The following LRRC4C variants were observed in gnomAD, a reference collection of about 807,000 sequenced individuals.
The protein encoded by LRRC4C is leucine-rich repeat-containing protein 4C.
A neutral mutation model predicts 33.6 loss-of-function variants in LRRC4C; 5 were observed. That is an observed-to-expected ratio of 0.15 (90% confidence interval 0.08 to 0.31). The LOEUF is 0.31. Ranked by LOEUF, LRRC4C falls within the 10% of genes least tolerant of loss-of-function variation. The pLI, the probability that LRRC4C is intolerant of heterozygous loss-of-function variation, is 1.00. For missense variants in LRRC4C, 560 were observed against 796.7 expected (o/e 0.70, Z 3.58); for synonymous variants, 329 against 302.0 (o/e 1.09, Z -0.93).
chr11:41,119,176 T>C (rs933302447), intron 1 of LRRC4C, among the ~76,000 whole-genome samples: 10 of 152,186 alleles, frequency 6.6e-5, no homozygotes, highest in Non-Finnish European at 1.2e-4. Context: ...CAGCTAACAT[T>C]TTCCAAACAA....
intron 3 of LRRC4C, among the ~76,000 whole-genome samples, chr11:40,442,563 A>G (rs1020650041): frequency 6.6e-5 from 10 of 152,198 alleles, no homozygotes; most frequent in African/African-American, 1.9e-4. Flanking sequence ...CAATGCTTCA[A>G]TGTGCTGGGG....
chr11:40,413,340 C>A (rs2137661075), intron 3 of LRRC4C, among the ~76,000 whole-genome samples: 1 of 152,066 alleles, frequency 6.6e-6, no homozygotes, highest in South Asian at 2.1e-4. Context: ...TTACACTCGG[C>A]CAAATGGGAT....
chr11:41,231,631 A>T, intron 1 of LRRC4C, among the ~76,000 whole-genome samples: 1 of 125,916 alleles, frequency 7.9e-6, no homozygotes, highest in Admixed American at 8.3e-5. Flanking sequence ...GGGGGGAGGG[A>T]AGAGGGATAG....
chr11:40,486,956 A>C (rs191144304), intron 3 of LRRC4C, among the ~76,000 whole-genome samples: 1 of 151,986 alleles, frequency 6.6e-6, no homozygotes, highest in Non-Finnish European at 1.5e-5. Context: ...TCTTTTTTGT[A>C]TTAGAAACTG....
chr11:40,813,030 T>G (rs1019696200), intron 2 of LRRC4C, among the ~76,000 whole-genome samples: 1 of 152,166 alleles, frequency 6.6e-6, no homozygotes, highest in African/African-American at 2.4e-5. Context: ...TCTATAAAAT[T>G]CCCCAATTTT....
At chr11:41,149,987 C>A (rs1020244408) in intron 1 of LRRC4C, among the ~76,000 whole-genome samples, 2 of 152,080 alleles carry the variant, frequency 1.3e-5, no homozygotes, top group Non-Finnish European at 2.9e-5. Flanking sequence ...CATTTATCTG[C>A]GTAGTTCTCA....
At chr11:40,359,564 A>G (rs1000703694) in intron 3 of LRRC4C, among the ~76,000 whole-genome samples, 4 of 152,162 alleles carry the variant, frequency 2.6e-5, no homozygotes, top group African/African-American at 4.8e-5. Context: ...TGACTATACT[A>G]TCTAAGGATC....
intron 1 of LRRC4C, among the ~76,000 whole-genome samples, chr11:41,380,119 G>T (rs1035664067): frequency 6.6e-6 from 1 of 152,116 alleles, no homozygotes; most frequent in African/African-American, 2.4e-5. Context: ...GATTGAGAAA[G>T]CACAGCTTTA....
chr11:41,316,882 G>C (rs1404314430), intron 1 of LRRC4C, among the ~76,000 whole-genome samples: 1 of 152,140 alleles, frequency 6.6e-6, no homozygotes, highest in Non-Finnish European at 1.5e-5. Context: ...AAACCACAAG[G>C]CTGGTTCCAA....
chr11:41,323,973 C>T (rs754086529), intron 1 of LRRC4C, among the ~76,000 whole-genome samples: 28 of 151,994 alleles, frequency 1.8e-4, no homozygotes, highest in Non-Finnish European at 2.9e-4. Context: ...ATTAAAAGTA[C>T]TTAGATATTT....
rs574093258 is a variant in LRRC4C, at chr11:40,600,558, AC to A, written c.-270+47583del. 4.6e-5 allele frequency among the ~76,000 whole-genome samples: 7 copies of A among 152,180 alleles called. No homozygotes were observed. The South Asian group carries it at 1.5e-3, about 32-fold the overall frequency. On this transcript the variant is annotated intron_variant, in intron 3 of 6. Transcript: ENST00000528697. ...GCTCTCTACACAAAATGTTTGTGACACCCCCCAGTACTGCTGCTTCACTTCT... is the reference window on the plus strand; with the variant it reads ...GCTCTCTACACAAAATGTTTGTGACACCCCCAGTACTGCTGCTTCACTTCT...
intron 3 of LRRC4C, among the ~76,000 whole-genome samples, chr11:40,470,902 C>T (rs1952898142): frequency 6.6e-6 from 1 of 152,124 alleles, no homozygotes; most frequent in African/African-American, 2.4e-5. Flanking sequence ...ACCAAAGCTA[C>T]ATTTGATTGG....
chr11:41,341,153 ATAG>A lies in LRRC4C; in HGVS notation c.-496+118275_-496+118277del, dbSNP rs1245000496. ...TGAAGGCAATCTAGGTATGAAAGTA[ATAG>A]TGTGTTAGGTGAGGATGTTACTTAA... On this transcript the variant is annotated intron_variant, in intron 1 of 6. Transcript: ENST00000528697. Among the ~76,000 whole-genome samples, 164 of 151,902 alleles carry A rather than the reference ATAG, an allele frequency of 1.1e-3. 2 individuals are homozygous for A. Among genetic ancestry groups the A allele is most frequent in the Non-Finnish European group, 3.1e-4 (21 of 67,972 alleles).
In LRRC4C at chr11:40,142,288, A is replaced by G. The variant is rs946728686; in HGVS notation, c.-95-1435T>C. 1.4e-4 allele frequency among the ~76,000 whole-genome samples: 21 copies of G among 151,746 alleles called. No individual in the cohort carries two copies. The East Asian group carries it at 3.9e-3, about 28-fold the overall frequency. The stretch of plus-strand genomic sequence containing the variant: ...GTGAGATTCTGTCTCAAAAAAAAAA[A>G]AAAAAAAAAAAAAAAACCTCGATTT... On this transcript the variant is annotated intron_variant, in intron 5 of 6. Transcript: ENST00000528697.
chr11:41,345,946 C>A (rs1009881290), intron 1 of LRRC4C, among the ~76,000 whole-genome samples: 2 of 148,420 alleles, frequency 1.3e-5, no homozygotes, highest in African/African-American at 4.9e-5. Context: ...CTTAAGGTCA[C>A]TCTGATGGCC....
chr11:41,263,510 C>T (rs986924388), intron 1 of LRRC4C, among the ~76,000 whole-genome samples: 4 of 152,026 alleles, frequency 2.6e-5, no homozygotes, highest in African/African-American at 7.2e-5. Flanking sequence ...TTGGTTTGGG[C>T]TTTATGATTA....
intron 4 of LRRC4C, among the ~76,000 whole-genome samples, chr11:40,268,333 A>T (rs1031522550): frequency 2.6e-5 from 4 of 152,214 alleles, no homozygotes. Flanking sequence ...GGGTCCTAAG[A>T]TCAGACTTCA....
At chr11:41,320,078 C>T (rs538451949) in intron 1 of LRRC4C, among the ~76,000 whole-genome samples, 264 of 152,196 alleles carry the variant, frequency 1.7e-3, no homozygotes, top group African/African-American at 6.2e-3. Context: ...GGTAACCAAT[C>T]TGTCTTTTTA....
chr11:40,833,523 CT>C lies in LRRC4C; in HGVS notation c.-407+100111del. 2.0e-5 allele frequency among the ~76,000 whole-genome samples: 3 copies of C among 151,864 alleles called. No homozygotes were observed. In the East Asian group the frequency reaches 5.8e-4, roughly 29 times the overall value. On this transcript the variant is annotated intron_variant, in intron 2 of 6. Coordinates refer to ENST00000528697, the MANE Select transcript of LRRC4C (RefSeq NM_001258419.2). ...TTTGATCTCTGGAGTTCATTAGATCCTTATAACACATCCCAAATTGAACAGC... is the reference window on the plus strand; with the variant it reads ...TTTGATCTCTGGAGTTCATTAGATCCTATAACACATCCCAAATTGAACAGC...
Sources: gnomAD v4.1 joint callset for allele counts (sites outside exome capture counted in the v4.1 genomes callset) on GRCh38, gnomAD v4.1.1 for gene constraint, MANE v1.5 for transcripts, NCBI Gene and HGNC (gene_info 2026-07-23, HGNC 2026-07-21) for gene names.